Variants in ETS1 observed in about 807,000 individuals in gnomAD.
ETS1 encodes ETS proto-oncogene 1, transcription factor, also known as protein C-ets-1.
ETS1 carries 15 observed loss-of-function variants against 58.6 expected under a neutral mutation model. The ratio of observed to expected loss-of-function variants is 0.26; its 90% CI spans 0.17 to 0.39. The LOEUF is 0.39. Among genes scored for constraint, ETS1 ranks in the 10% least tolerant of loss-of-function variants. The pLI, the probability that ETS1 is intolerant of heterozygous loss-of-function variation, is 1.00. For missense variants in ETS1, 417 were observed against 610.5 expected (o/e 0.68, Z 3.34); for synonymous variants, 214 against 218.2 (o/e 0.98, Z 0.17).
At chr11:128,483,596 C>A (rs1289522608) in intron 7 of ETS1, among the ~76,000 whole-genome samples, 3 of 152,200 alleles carry the variant, frequency 2.0e-5, no homozygotes, top group Admixed American at 6.5e-5. Flanking sequence ...AACACTAACA[C>A]CCTGGGGCCT....
At chr11:128,550,431 G>A (rs1400967435) in intron 3 of ETS1, among the ~76,000 whole-genome samples, 2 of 152,234 alleles carry the variant, frequency 1.3e-5, no homozygotes, top group Non-Finnish European at 2.9e-5. Context: ...TCAGGCATTT[G>A]CAGAATCTCA....
chr11:128,489,215 CA>C, intron 5 of ETS1, 74 bp downstream of exon 5: 2 of 1,293,824 alleles, frequency 1.5e-6, no homozygotes, highest in South Asian at 2.4e-5. Flanking sequence ...GACGTCCCAC[CA>C]TTGGGTGAGC....
In ETS1 at chr11:128,462,892, A is replaced by G. The variant is rs1162987115; in HGVS notation, c.1243-316T>C. 2.6e-5 allele frequency among the ~76,000 whole-genome samples: 4 copies of G among 152,236 alleles called. No homozygotes were observed. The East Asian group carries it at 5.8e-4, about 22-fold the overall frequency. ...ACACTATACATTCTCCTCTTTCCGCATATTATTAGTAAAATCTCCTTGCTT... is the reference window on the plus strand; with the variant it reads ...ACACTATACATTCTCCTCTTTCCGCGTATTATTAGTAAAATCTCCTTGCTT... On this transcript the variant is annotated intron_variant, in intron 9 of 9. Transcript: ENST00000392668.
chr11:128,478,351 AG>A (rs1862383130), intron 8 of ETS1, among the ~76,000 whole-genome samples: 2 of 48,450 alleles, frequency 4.1e-5, no homozygotes, highest in South Asian at 8.6e-4. Flanking sequence ...GGAAGGAAGG[AG>A]GAAGGAAGGA....
chr11:128,553,970 C>A (rs1257559980), intron 3 of ETS1, among the ~76,000 whole-genome samples: 1 of 152,048 alleles, frequency 6.6e-6, no homozygotes, highest in African/African-American at 2.4e-5. Context: ...TTTTCTCTTT[C>A]TTTATATTCA....
At chr11:128,492,391 A>G (rs1862825637) in intron 3 of ETS1, among the ~76,000 whole-genome samples, 1 of 152,206 alleles carries the variant, frequency 6.6e-6, no homozygotes. Context: ...GTTTGCTTTT[A>G]GTGATGCTGT....
chr11:128,585,083 AAAGAAAGG>A lies in ETS1; in HGVS notation c.-15+2397_-15+2404del, dbSNP rs1864973066. Reference sequence around the variant, plus strand: ...AAGAAAGAAAGAAAGAAAGAGAAAGAAAGAAAGGAAAGAAAGAAAGGAAGGAAGGAAGG... The same window carrying A: ...AAGAAAGAAAGAAAGAAAGAGAAAGAAAAGAAAGAAAGGAAGGAAGGAAGG... On this transcript the variant is annotated intron_variant, in intron 1 of 9. Coordinates refer to ENST00000392668, the MANE Select transcript of ETS1 (RefSeq NM_001143820.2). 8.8e-5 allele frequency among the ~76,000 whole-genome samples: 3 copies of A among 34,162 alleles called. 1 individual carries two copies. The highest frequency in any genetic ancestry group is 5.3e-4 in the Admixed American group (2 of 3,750). The allele number at this position is 34,162 out of a possible 152,430, so 22.4% of individuals were successfully genotyped here.
chr11:128,578,987 G>T (rs1336899888), intron 1 of ETS1, among the ~76,000 whole-genome samples: 2 of 152,166 alleles, frequency 1.3e-5, no homozygotes, highest in African/African-American at 4.8e-5. Flanking sequence ...AAGAAAATAT[G>T]CATTCCATAT....
intron 2 of ETS1, among the ~76,000 whole-genome samples, chr11:128,567,444 T>C (rs540618767): frequency 6.6e-6 from 1 of 152,358 alleles, no homozygotes; most frequent in Non-Finnish European, 1.5e-5. Flanking sequence ...ATCCAATTTA[T>C]ACAACATTGA....
At chr11:128,519,396 G>C (rs1030031327) in intron 3 of ETS1, among the ~76,000 whole-genome samples, 3 of 152,190 alleles carry the variant, frequency 2.0e-5, no homozygotes, top group Non-Finnish European at 4.4e-5. Context: ...ATTTAAGCCA[G>C]ATAAGATCCC....
chr11:128,514,954 C>T (rs1005358271), intron 3 of ETS1, among the ~76,000 whole-genome samples: 9 of 152,076 alleles, frequency 5.9e-5, no homozygotes, highest in Non-Finnish European at 1.3e-4. Context: ...TCTTACTCTT[C>T]CTGTCCTCAT....
At chr11:128,475,116 C>T (rs1263226199) in intron 8 of ETS1, among the ~76,000 whole-genome samples, 3 of 152,248 alleles carry the variant, frequency 2.0e-5, no homozygotes, top group African/African-American at 4.8e-5. Context: ...ATCACATGCC[C>T]ACAGCACAAA....
chr11:128,524,689 G>A (rs942767006), intron 3 of ETS1, among the ~76,000 whole-genome samples: 1 of 152,100 alleles, frequency 6.6e-6, no homozygotes, highest in Non-Finnish European at 1.5e-5. Flanking sequence ...GTTATCATAC[G>A]CTAAAACATT....
chr11:128,571,071 A>C (rs1864616645), intron 2 of ETS1, among the ~76,000 whole-genome samples: 1 of 152,130 alleles, frequency 6.6e-6, no homozygotes, highest in South Asian at 2.1e-4. Context: ...AATCATCCTT[A>C]AAATGTGTCT....
intron 3 of ETS1, among the ~76,000 whole-genome samples, chr11:128,523,919 A>AC (rs11422526): frequency 2.3e-5 from 2 of 86,448 alleles, no homozygotes; most frequent in Non-Finnish European, 3.0e-5. Flanking sequence ...AATGAACCAC[A>AC]AAAAAAAAAA....
At chr11:128,561,482 A>G (rs1413967785) in intron 2 of ETS1, among the ~76,000 whole-genome samples, 2 of 152,248 alleles carry the variant, frequency 1.3e-5, no homozygotes, top group Non-Finnish European at 2.9e-5. Flanking sequence ...TTACATTAAG[A>G]TATTATTCAA....
chr11:128,565,567 G>T (rs563747776), intron 2 of ETS1, among the ~76,000 whole-genome samples: 3 of 152,232 alleles, frequency 2.0e-5, no homozygotes, highest in South Asian at 4.1e-4. Flanking sequence ...TTACATTGTG[G>T]TCTGACTCTG....
intron 8 of ETS1, among the ~76,000 whole-genome samples, chr11:128,466,014 CCTGA>C (rs1862024352): frequency 6.6e-6 from 1 of 152,180 alleles, no homozygotes. Context: ...ATCTAAACTG[CCTGA>C]CTGAGTGCAA....
intron 3 of ETS1, among the ~76,000 whole-genome samples, chr11:128,539,137 G>A (rs1044142125): frequency 5.9e-5 from 9 of 152,154 alleles, no homozygotes; most frequent in African/African-American, 2.2e-4. Flanking sequence ...ACCTTGTGTT[G>A]GGCAATAATT....
Sources: gnomAD v4.1 joint callset for allele counts (sites outside exome capture counted in the v4.1 genomes callset) on GRCh38, gnomAD v4.1.1 for gene constraint, MANE v1.5 for transcripts, NCBI Gene and HGNC (gene_info 2026-07-23, HGNC 2026-07-21) for gene names.